The following ASB5 variants were observed in gnomAD, a reference collection of about 807,000 sequenced individuals.
ASB5 encodes ankyrin repeat and SOCS box protein 5.
In ASB5, 45 loss-of-function variants were observed where a neutral mutation model predicts 42.1. That is an observed-to-expected ratio of 1.07 (90% CI 0.84 to 1.37). The LOEUF (loss-of-function observed/expected upper bound fraction) is 1.37, where lower values mean the gene tolerates loss of function less well. Among genes scored for constraint, ASB5 ranks in the 40% most tolerant of loss-of-function variants. The pLI is 0.00. For missense variants in ASB5, 402 were observed against 399.8 expected, an observed-to-expected ratio of 1.01 and a Z score of -0.05; for synonymous variants, 147 against 150.6, an observed-to-expected ratio of 0.98 and a Z score of 0.18.
rs1194000685 is a variant in ASB5, at chr4:176,262,944, C to T, written c.196+5969G>A. On this transcript the variant is annotated intron_variant, in intron 1 of 6. Coordinates refer to ENST00000296525, the MANE Select transcript of ASB5 (RefSeq NM_080874.4). ...TCTCCAAATCTAAAGTTATTAAGTG[C>T]TATGGTTTTGATATTTGTCCCCTCC... Among the ~76,000 whole-genome samples the T allele has an allele frequency of 5.3e-5, 8 of 152,138 alleles. No homozygotes were observed. In the East Asian group the frequency reaches 1.5e-3, roughly 29 times the overall value.
rs1268710365 is a variant in ASB5, at chr4:176,216,851, T to C, written c.829A>G (p.Ser277Gly). 1 of 1,610,684 alleles carries C rather than the reference T, an allele frequency of 6.2e-7. No homozygotes were observed. Among genetic ancestry groups the C allele is most frequent in the Non-Finnish European group, 8.5e-7 (1 of 1,179,158 alleles). ...LRPIDVATSSSMVERILLQHE... is the reference protein window; with the variant it reads ...LRPIDVATSSGMVERILLQHE... ...TGAAGCAATATCCTTTCCACCATAC[T>C]GCTAGACGTAGCTACATCTATAGGT... The change falls in exon 6 of 7, where the codon AGT (serine) becomes GGT (glycine). Residue 277 changes from serine (S) to glycine (G), a missense_variant. Physicochemically the swap from Ser to Gly is moderately conservative, Grantham distance 56 (BLOSUM62 0). Transcript: ENST00000296525.
chr4:176,217,106 G>C, intron 5 of ASB5, 97 bp from the exon 6 acceptor site: 1 of 971,190 alleles, frequency 1.0e-6, no homozygotes, highest in Admixed American at 2.4e-5. Context: ...ATAGAGGAAG[G>C]TTATTAAGGG....
intron 1 of ASB5, among the ~76,000 whole-genome samples, chr4:176,251,121 C>A (rs1220639477): frequency 6.6e-6 from 1 of 151,880 alleles, no homozygotes; most frequent in Admixed American, 6.6e-5. Context: ...TACACATAAA[C>A]CTTCTCCTCC....
At chr4:176,227,331 AAG>A (rs997679949) in intron 1 of ASB5, among the ~76,000 whole-genome samples, 2 of 152,212 alleles carry the variant, frequency 1.3e-5, no homozygotes, top group African/African-American at 4.8e-5. Flanking sequence ...CAACAGAGAG[AAG>A]AGAGACTCTG....
intron 3 of ASB5, 73 bp from the exon 4 acceptor site, chr4:176,221,673 A>G: frequency 1.5e-6 from 2 of 1,352,720 alleles, no homozygotes; most frequent in Non-Finnish European, 2.0e-6. Flanking sequence ...GCATTGTCAA[A>G]AGGTATGTGA....
chr4:176,274,674 T>A (rs1462295628), intron 2 of ASB5, among the ~76,000 whole-genome samples: 1 of 152,186 alleles, frequency 6.6e-6, no homozygotes, highest in African/African-American at 2.4e-5. Flanking sequence ...GTGTGGGTTA[T>A]AAATAGCCTT....
chr4:176,269,072 G>T lies in ASB5; in HGVS notation c.37C>A (p.Gln13Lys). The change falls in exon 1 of 7, where the codon CAA (glutamine) becomes AAA (lysine). Residue 13 changes from glutamine to lysine, a missense_variant. Physicochemically the swap from Gln to Lys is moderately conservative, Grantham distance 53. Transcript: ENST00000296525. ...VLEENRPFAQ[Q>K]LSNVYFTILS... is the part of the protein sequence containing the mutation. Reference sequence around the variant, plus strand: ...ATTGTAAAGTAGACATTGGATAATTGTTGAGCAAACGGCCGATTTTCTTCT... The same window carrying T: ...ATTGTAAAGTAGACATTGGATAATTTTTGAGCAAACGGCCGATTTTCTTCT... The T allele has an allele frequency of 6.2e-7, 1 of 1,611,260 alleles. No individual in the cohort carries two copies. Among genetic ancestry groups the T allele is most frequent in the Non-Finnish European group, 8.5e-7 (1 of 1,178,636 alleles).
chr4:176,248,957 C>T (rs1753964942), intron 1 of ASB5, among the ~76,000 whole-genome samples: 1 of 152,110 alleles, frequency 6.6e-6, no homozygotes, highest in Middle Eastern at 3.4e-3. Context: ...TACAGGTTTA[C>T]ATTTTGTTTG....
rs1316136765 is a variant in ASB5, at chr4:176,214,073, A to G, written c.*1527T>C. 1.3e-5 allele frequency: 2 copies of G among 152,158 alleles called. No homozygotes were observed. The highest frequency in any genetic ancestry group is 2.9e-5 in the Non-Finnish European group (2 of 68,000). The allele number at this position is 152,158 out of a possible 1,614,324, so 9.4% of individuals were successfully genotyped here. A position where few individuals can be genotyped will look rare whatever the true frequency, so the allele number is the denominator to read the frequency against. Reference sequence around the variant, plus strand: ...AAAGGTCCCTATCCTCATATAAAACATTGTTTAGTGAATATGCTACAGCTT... The same window carrying G: ...AAAGGTCCCTATCCTCATATAAAACGTTGTTTAGTGAATATGCTACAGCTT... On this transcript the variant is annotated 3_prime_UTR_variant, in exon 7 of 7. Coordinates refer to ENST00000296525, the MANE Select transcript of ASB5 (RefSeq NM_080874.4).
chr4:176,252,065 C>CAAA (rs1168453149), intron 1 of ASB5, among the ~76,000 whole-genome samples: 1 of 51,714 alleles, frequency 1.9e-5, no homozygotes, highest in African/African-American at 8.5e-5. Flanking sequence ...GACCTTGTCT[C>CAAA]AAAAAAAAAA....
intron 5 of ASB5, 47 bp downstream of exon 5, chr4:176,221,108 C>T (rs374037177): frequency 6.6e-7 from 1 of 1,520,050 alleles, no homozygotes; most frequent in Non-Finnish European, 8.8e-7. Flanking sequence ...AAATAAATAA[C>T]TGCTTGTGTG....
intron 1 of ASB5, among the ~76,000 whole-genome samples, chr4:176,265,327 T>C (rs1340150814): frequency 6.6e-6 from 1 of 152,202 alleles, no homozygotes; most frequent in East Asian, 1.9e-4. Context: ...TTTGAAGGTA[T>C]CTCTGAAAGT....
intron 2 of ASB5, 60 bp downstream of exon 2, chr4:176,225,202 T>C: frequency 7.2e-7 from 1 of 1,387,500 alleles, no homozygotes; most frequent in Non-Finnish European, 1.0e-6. Flanking sequence ...TTGATTGGTT[T>C]TGACCATGTT....
intron 1 of ASB5, among the ~76,000 whole-genome samples, chr4:176,261,918 TTA>T (rs1486132201): frequency 6.6e-6 from 1 of 150,946 alleles, no homozygotes; most frequent in Non-Finnish European, 1.5e-5. Flanking sequence ...GCATTTTATA[TTA>T]TATATTAGTT....
chr4:176,231,719 C>A (rs1753551242), intron 1 of ASB5, among the ~76,000 whole-genome samples: 1 of 151,442 alleles, frequency 6.6e-6, no homozygotes, highest in Admixed American at 6.6e-5. Flanking sequence ...TGGCATGCCC[C>A]TGTAAATGCC....
At chr4:176,231,445 T>C (rs1207605740) in intron 1 of ASB5, among the ~76,000 whole-genome samples, 3 of 152,058 alleles carry the variant, frequency 2.0e-5, no homozygotes, top group Non-Finnish European at 2.9e-5. Context: ...TTTTTTCTCC[T>C]TACAGTATGT....
chr4:176,248,143 T>C (rs1753947777), intron 1 of ASB5, among the ~76,000 whole-genome samples: 1 of 152,216 alleles, frequency 6.6e-6, no homozygotes, highest in African/African-American at 2.4e-5. Context: ...CTTTTCATTT[T>C]TTTGAGATTG....
chr4:176,261,707 G>A lies in ASB5; in HGVS notation c.196+7206C>T, dbSNP rs1339834749. On this transcript the variant is annotated intron_variant, in intron 1 of 6. Coordinates refer to ENST00000296525, the MANE Select transcript of ASB5 (RefSeq NM_080874.4). Reference sequence around the variant, plus strand: ...GATGACCTCAATCTCTTCCCTTTCTGACTTAGAGGAGAACATCAATTGCAA... The same window carrying A: ...GATGACCTCAATCTCTTCCCTTTCTAACTTAGAGGAGAACATCAATTGCAA... Among the ~76,000 whole-genome samples, 4 of 152,198 alleles carry A rather than the reference G, an allele frequency of 2.6e-5. No individual in the cohort carries two copies. In the East Asian group the frequency reaches 7.8e-4, roughly 29 times the overall value.
Position 176,269,217 on chromosome 4 carries a change from G to T in ASB5, c.-109C>A. 1.1e-6 allele frequency: 1 copy of T among 947,136 alleles called. No homozygotes were observed. The highest frequency in any genetic ancestry group is 1.5e-6 in the Non-Finnish European group (1 of 653,242). The allele number at this position is 947,136 out of a possible 1,614,324, so 58.7% of individuals were successfully genotyped here. A position where few individuals can be genotyped will look rare whatever the true frequency, so the allele number is the denominator to read the frequency against. On this transcript the variant is annotated 5_prime_UTR_variant, in exon 1 of 7. It adds an upstream start codon to the 5' untranslated region. Transcript: ENST00000296525. ...CTGGTCCTGAGGAAAGAAAATATCAGCTGGTAGTGATGCCTACAGCTCAAA... is the reference window on the plus strand; with the variant it reads ...CTGGTCCTGAGGAAAGAAAATATCATCTGGTAGTGATGCCTACAGCTCAAA...
Sources: gnomAD v4.1 joint callset for allele counts (sites outside exome capture counted in the v4.1 genomes callset) on GRCh38, gnomAD v4.1.1 for gene constraint, MANE v1.5 for transcripts, NCBI Gene and HGNC (gene_info 2026-07-23, HGNC 2026-07-21) for gene names.